OR5AN1: variants seen among roughly 807,000 people sequenced by gnomAD.
The protein encoded by OR5AN1 is olfactory receptor 5AN1.
For synonymous variants in OR5AN1, 167 were observed against 131.8 expected, an observed-to-expected ratio of 1.27 and a Z score of -1.83; for missense variants, 476 against 368.9, an observed-to-expected ratio of 1.29 and a Z score of -2.38.
chr11:59,365,583 CT>C lies in OR5AN1; in HGVS notation c.*192del. Reference sequence around the variant, plus strand: ...GACTCAATGCCACAGACATCAGGATCTTTAGGTCCTGGAGGTTCATTATTTT... The same window carrying C: ...GACTCAATGCCACAGACATCAGGATCTTAGGTCCTGGAGGTTCATTATTTT... On this transcript the variant is annotated 3_prime_UTR_variant, in exon 2 of 2. Coordinates refer to ENST00000641998, the MANE Select transcript of OR5AN1 (RefSeq NM_001004729.2). The C allele has an allele frequency of 2.0e-6, 1 of 493,228 alleles. No homozygotes were observed. The highest frequency in any genetic ancestry group is 4.1e-5 in the South Asian group (1 of 24,384). 30.6% of individuals were successfully genotyped at this position (493,228 alleles called of 1,614,324 possible).
intron 1 of OR5AN1, 32 bp from the exon 2 acceptor site, chr11:59,364,414 A>C (rs1857498571): frequency 7.5e-7 from 1 of 1,340,012 alleles, no homozygotes; most frequent in Admixed American, 2.0e-5. Flanking sequence ...CTGAGTTAGC[A>C]ATCCATTCTC....
chr11:59,359,857 T>A (rs972483523), intron 1 of OR5AN1: 5 of 152,216 alleles, frequency 3.3e-5, no homozygotes, highest in Admixed American at 6.5e-5. Context: ...TGGGTTTACC[T>A]GATTTTGTAC....
chr11:59,365,326 A>G lies in OR5AN1; in HGVS notation c.868A>G (p.Ile290Val). 6.2e-7 allele frequency: 1 copy of G among 1,611,702 alleles called. No individual in the cohort carries two copies. Among genetic ancestry groups the G allele is most frequent in the Non-Finnish European group, 8.5e-7 (1 of 1,179,092 alleles). The change falls in exon 2 of 2, where the codon ATT (isoleucine) becomes GTT (valine). Residue 290 changes from isoleucine (I) to valine (V), a missense_variant. By Grantham distance (29) the Ile-to-Val change is conservative. Transcript: ENST00000641998. ...GGTCATTCCCATGTTAAATCCCTTG[A>G]TTTACAGTTTGAGGAACAAAGAAAT... The part of the protein sequence containing the change: ...TVVIPMLNPL[I>V]YSLRNKEIKD...
At chr11:59,363,859 T>G (rs1456684271) in intron 1 of OR5AN1, among the ~76,000 whole-genome samples, 1 of 152,104 alleles carries the variant, frequency 6.6e-6, no homozygotes, top group Admixed American at 6.6e-5. Context: ...GCCTCCTGGG[T>G]TCAAGTGATT....
In OR5AN1 at chr11:59,361,572, C is replaced by T. The variant is rs115567818; in HGVS notation, c.-14+2300C>T. The stretch of plus-strand genomic sequence containing the variant: ...CTGGGATTATAGGTCTGAGCCACCG[C>T]GTCTGGCTGAGGCCTTATTGTTTTA... On this transcript the variant is annotated intron_variant, in intron 1 of 1. Coordinates refer to ENST00000641998, the MANE Select transcript of OR5AN1 (RefSeq NM_001004729.2). 6.2e-3 allele frequency among the ~76,000 whole-genome samples: 939 copies of T among 152,344 alleles called. 15 individuals carry two copies. The highest frequency in any genetic ancestry group is 0.021 in the African/African-American group (878 of 41,574).
rs1590582205 is a variant in OR5AN1, at chr11:59,364,925, C to T, written c.467C>T (p.Ala156Val). 1 of 1,614,124 alleles carries T rather than the reference C, an allele frequency of 6.2e-7. No individual in the cohort carries two copies. Among genetic ancestry groups the T allele is most frequent in the African/African-American group, 1.3e-5 (1 of 75,064 alleles). Residue 156 changes from alanine (A) to valine (V), a missense_variant, in exon 2 of 2, where the codon GCT (alanine) becomes GTT (valine). Transcript: ENST00000641998. Reference sequence around the variant, plus strand: ...GGAGCCTACATGACTGGCCTCACTGCTTCTTTATTCCAAATTGGTGCTTTG... The same window carrying T: ...GGAGCCTACATGACTGGCCTCACTGTTTCTTTATTCCAAATTGGTGCTTTG... ...VLGAYMTGLT[A>V]SLFQIGALLQ...
At chr11:59,361,377 G>A (rs1857460329) in intron 1 of OR5AN1, among the ~76,000 whole-genome samples, 1 of 152,094 alleles carries the variant, frequency 6.6e-6, no homozygotes, top group Non-Finnish European at 1.5e-5. Context: ...TGCTTCCCAG[G>A]TTCAAGCAAT....
intron 1 of OR5AN1, among the ~76,000 whole-genome samples, chr11:59,362,564 A>G (rs578180105): frequency 1.2e-3 from 178 of 152,332 alleles, no homozygotes; most frequent in Non-Finnish European, 2.0e-3. Context: ...AAGAATAATG[A>G]ATTATCAATG....
rs1857547876 is a variant in OR5AN1, at chr11:59,367,542, G to A, written c.*2148G>A. On this transcript the variant is annotated 3_prime_UTR_variant, in exon 2 of 2. Transcript: ENST00000641998. Reference sequence around the variant, plus strand: ...GCCACCTCACAAGATAAGATCCACTGGCTTGGAATTCCAGACAGCTACCAG... The same window carrying A: ...GCCACCTCACAAGATAAGATCCACTAGCTTGGAATTCCAGACAGCTACCAG... 1.3e-5 allele frequency: 2 copies of A among 152,328 alleles called. No homozygotes were observed. Among genetic ancestry groups the A allele is most frequent in the African/African-American group, 4.8e-5 (2 of 41,448 alleles). 9.4% of individuals were successfully genotyped at this position (152,328 alleles called of 1,614,324 possible). A position where few individuals can be genotyped will look rare whatever the true frequency, so the allele number is the denominator to read the frequency against.
chr11:59,361,882 A>G (rs1258823205), intron 1 of OR5AN1, among the ~76,000 whole-genome samples: 1 of 152,132 alleles, frequency 6.6e-6, no homozygotes, highest in East Asian at 1.9e-4. Context: ...CTGTAGGAAA[A>G]CAAGAGAATA....
Position 59,370,175 on chromosome 11 carries a change from C to T in OR5AN1, c.*4781C>T, listed in dbSNP as rs1857578969. Reference sequence around the variant, plus strand: ...CAAAAACACAGTTAAACACAGAAACCAATGTCACTATGAAGCAACCACACA... The same window carrying T: ...CAAAAACACAGTTAAACACAGAAACTAATGTCACTATGAAGCAACCACACA... On this transcript the variant is annotated 3_prime_UTR_variant, in exon 2 of 2. Coordinates refer to ENST00000641998, the MANE Select transcript of OR5AN1 (RefSeq NM_001004729.2). The T allele has an allele frequency of 6.6e-6, 1 of 152,160 alleles. No homozygotes were observed. The highest frequency in any genetic ancestry group is 2.1e-4 in the South Asian group (1 of 4,828). 9.4% of individuals were successfully genotyped at this position (152,160 alleles called of 1,614,324 possible).
rs1565053138 is a variant in OR5AN1 at position 59,364,694 on chromosome 11, T to C, written c.236T>C (p.Val79Ala). The C allele has an allele frequency of 6.2e-7, 1 of 1,613,816 alleles. No homozygotes were observed. Among genetic ancestry groups the C allele is most frequent in the Non-Finnish European group, 8.5e-7 (1 of 1,179,854 alleles). The change falls in exon 2 of 2, where the codon GTC (valine) becomes GCC (alanine). Residue 79 changes from valine (V) to alanine (A), a missense_variant. By Grantham distance (64) the Val-to-Ala change is moderately conservative (BLOSUM62 0). Transcript: ENST00000641998. ...FIDVCYISST[V>A]PKMLSNLLQE... ...GATGTCTGCTATATCAGCTCCACAG[T>C]CCCCAAGATGCTCTCCAACCTCTTA...
At position 59,365,030 on chromosome 11, in the gene OR5AN1, C is replaced by G; in HGVS notation, c.572C>G (p.Thr191Ser). 1 of 1,614,068 alleles carries G rather than the reference C, an allele frequency of 6.2e-7. No homozygotes were observed. Among genetic ancestry groups the G allele is most frequent in the East Asian group, 2.2e-5 (1 of 44,862 alleles). Residue 191 changes from threonine (T) to serine (S), a missense_variant, in exon 2 of 2, where the codon ACT becomes AGT. Coordinates refer to ENST00000641998, the MANE Select transcript of OR5AN1 (RefSeq NM_001004729.2). ...DMPQLLILSC[T>S]DTFFVQVMTA... ...CCCCAACTGTTAATCTTGTCCTGTA[C>G]TGACACTTTCTTTGTACAGGTCATG...
At chr11:59,363,194 G>T (rs1857483134) in intron 1 of OR5AN1, among the ~76,000 whole-genome samples, 2 of 152,202 alleles carry the variant, frequency 1.3e-5, no homozygotes, top group Non-Finnish European at 2.9e-5. Context: ...TTGAACAATT[G>T]CTGTATACGT....
intron 1 of OR5AN1, chr11:59,359,975 T>A (rs1484013168): frequency 1.3e-5 from 2 of 152,214 alleles, no homozygotes; most frequent in Non-Finnish European, 2.9e-5. Flanking sequence ...TTACATCAAT[T>A]ATCTTTTCCT....
At chr11:59,363,720 T>C (rs1366151361) in intron 1 of OR5AN1, among the ~76,000 whole-genome samples, 1 of 152,212 alleles carries the variant, frequency 6.6e-6, no homozygotes, top group Non-Finnish European at 1.5e-5. Flanking sequence ...AGGACTGTTG[T>C]CCATCAAATA....
Position 59,364,749 on chromosome 11 carries a change from T to C in OR5AN1, c.291T>C (p.Gly97=), listed in dbSNP as rs1178074912. 1.2e-6 allele frequency: 2 copies of C among 1,614,080 alleles called. No homozygotes were observed. The highest frequency in any genetic ancestry group is 1.3e-5 in the African/African-American group (1 of 75,058). Residue 97 remains glycine, a synonymous_variant, in exon 2 of 2, where the codon GGT becomes GGC. Transcript: ENST00000641998. ...AACAGCAAACTATCACTTTTGTTGG[T>C]TGTATTATTCAGTACTTTATCTTTT... ...LQEQQTITFV[G]CIIQYFIFST... is the part of the protein sequence containing the mutation.
chr11:59,365,426 G>T lies in OR5AN1; in HGVS notation c.*32G>T. On this transcript the variant is annotated 3_prime_UTR_variant, in exon 2 of 2. Transcript: ENST00000641998. Reference sequence around the variant, plus strand: ...AGATTCTGAGATTTCTGCCAGATATGGCCCATCAGAATCTCCCTAACCCAC... The same window carrying T: ...AGATTCTGAGATTTCTGCCAGATATTGCCCATCAGAATCTCCCTAACCCAC... 7.4e-7 allele frequency: 1 copy of T among 1,342,472 alleles called. No individual in the cohort carries two copies. Among genetic ancestry groups the T allele is most frequent in the Non-Finnish European group, 1.0e-6 (1 of 972,124 alleles). The allele number at this position is 1,342,472 out of a possible 1,614,324, so 83.2% of individuals were successfully genotyped here. A position where few individuals can be genotyped will look rare whatever the true frequency, so the allele number is the denominator to read the frequency against.
chr11:59,359,841 C>T (rs1450455101), intron 1 of OR5AN1: 7 of 152,128 alleles, frequency 4.6e-5, no homozygotes, highest in East Asian at 1.9e-4. Context: ...TATTGAGCAA[C>T]GTTTCTGGGT....
Sources: allele counts gnomAD v4.1 joint callset (sites outside exome capture counted in the v4.1 genomes callset), GRCh38; gene constraint gnomAD v4.1.1; transcripts MANE v1.5; gene names NCBI Gene and HGNC (gene_info 2026-07-23, HGNC 2026-07-21).